Variants in TRPC4AP observed in about 807,000 individuals in gnomAD.
TRPC4AP encodes the protein transient receptor potential cation channel subfamily C member 4 associated protein.
TRPC4AP carries 45 observed loss-of-function variants against 99.0 expected under a neutral mutation model. That is an observed-to-expected ratio of 0.45 (90% confidence interval 0.36 to 0.58). The LOEUF is 0.58. Ranked by LOEUF, TRPC4AP falls within the 20% of genes least tolerant of loss-of-function variation. TRPC4AP has a pLI of 0.00. For missense variants in TRPC4AP, 879 were observed against 985.3 expected (o/e 0.89, Z 1.44); for synonymous variants, 408 against 385.8 (o/e 1.06, Z -0.67).
chr20:35,072,409 T>C (rs2076540557), intron 2 of TRPC4AP, among the ~76,000 whole-genome samples: 1 of 110,212 alleles, frequency 9.1e-6, no homozygotes, highest in Non-Finnish European at 2.1e-5. Context: ...GTTTTTATGG[T>C]TTTAGGTCTA....
chr20:35,034,981 A>G (rs1282669046), intron 8 of TRPC4AP, 142 bp downstream of exon 8: 1 of 834,906 alleles, frequency 1.2e-6, no homozygotes, highest in Non-Finnish European at 1.8e-6. Flanking sequence ...AAGAGTCTTA[A>G]TAGTCATGGT....
intron 1 of TRPC4AP, among the ~76,000 whole-genome samples, chr20:35,086,467 GTGTGTGTGTA>G (rs1188270935): frequency 6.7e-5 from 5 of 74,106 alleles, no homozygotes; most frequent in South Asian, 4.3e-4. Flanking sequence ...GTGTGTGTGT[GTGTGTGTGTA>G]TGTGTGTGTA....
chr20:35,018,322 T>C (rs1334114857), intron 9 of TRPC4AP, among the ~76,000 whole-genome samples: 2 of 152,110 alleles, frequency 1.3e-5, no homozygotes, highest in Non-Finnish European at 2.9e-5. Flanking sequence ...CGGCCGGGCA[T>C]GGTGGCTCAC....
At chr20:35,090,537 CTAA>C (rs1258522263) in intron 1 of TRPC4AP, among the ~76,000 whole-genome samples, 1 of 152,052 alleles carries the variant, frequency 6.6e-6, no homozygotes, top group Non-Finnish European at 1.5e-5. Flanking sequence ...CCACGCCCGG[CTAA>C]TTTTTGTATT....
At chr20:35,040,063 A>G (rs2083411753) in intron 7 of TRPC4AP, among the ~76,000 whole-genome samples, 1 of 152,096 alleles carries the variant, frequency 6.6e-6, no homozygotes, top group Non-Finnish European at 1.5e-5. Flanking sequence ...CTTTCCATAC[A>G]GTTATGGACT....
intron 11 of TRPC4AP, among the ~76,000 whole-genome samples, chr20:35,011,546 C>T (rs899529241): frequency 1.3e-5 from 2 of 152,084 alleles, no homozygotes; most frequent in Non-Finnish European, 2.9e-5. Flanking sequence ...GATCAAAATT[C>T]AAAATTCTAC....
intron 7 of TRPC4AP, among the ~76,000 whole-genome samples, chr20:35,035,630 T>C (rs548523741): frequency 6.6e-6 from 1 of 152,300 alleles, no homozygotes; most frequent in East Asian, 1.9e-4. Context: ...CCAGTCATAT[T>C]ACACGAGAAT....
intron 14 of TRPC4AP, 43 bp downstream of exon 14, chr20:35,007,507 G>A (rs562233919): frequency 1.3e-6 from 2 of 1,590,300 alleles, no homozygotes; most frequent in East Asian, 2.2e-5. Flanking sequence ...CGCGTGGGCT[G>A]GGGGGAGACG....
At chr20:35,011,954 G>A (rs2082647772) in intron 11 of TRPC4AP, among the ~76,000 whole-genome samples, 1 of 152,192 alleles carries the variant, frequency 6.6e-6, no homozygotes, top group Admixed American at 6.5e-5. Context: ...TGGAATCCTT[G>A]GATGAACAAC....
chr20:35,024,594 C>T (rs2082974509), intron 8 of TRPC4AP, among the ~76,000 whole-genome samples: 2 of 151,974 alleles, frequency 1.3e-5, no homozygotes, highest in African/African-American at 4.8e-5. Context: ...AAGACCAAGA[C>T]GGGAAGATCA....
At chr20:35,035,064 A>C (rs2083287863) in intron 8 of TRPC4AP, 59 bp downstream of exon 8, 6 of 1,525,168 alleles carry the variant, frequency 3.9e-6, no homozygotes, top group Non-Finnish European at 5.3e-6. Context: ...AAGAGCAAGA[A>C]TGGTCCCAGG....
intron 6 of TRPC4AP, among the ~76,000 whole-genome samples, chr20:35,049,388 G>A (rs2083642604): frequency 6.6e-6 from 1 of 151,892 alleles, no homozygotes; most frequent in Non-Finnish European, 1.5e-5. Context: ...GAAGACTAAT[G>A]AGAAAAAATA....
intron 10 of TRPC4AP, among the ~76,000 whole-genome samples, chr20:35,014,314 ATTTTTTT>A (rs66518839): frequency 8.8e-6 from 1 of 113,190 alleles, no homozygotes; most frequent in African/African-American, 3.6e-5. Context: ...CTCAGGCAGA[ATTTTTTT>A]TTTTTTTTTT....
At chr20:35,092,491 C>T (rs2085101737) in intron 1 of TRPC4AP, 123 bp downstream of exon 1, 2 of 1,192,618 alleles carry the variant, frequency 1.7e-6, no homozygotes, top group Admixed American at 3.9e-5. Context: ...CACAGGGAGG[C>T]CTTCCGGCCA....
intron 3 of TRPC4AP, among the ~76,000 whole-genome samples, chr20:35,060,160 C>T (rs1379972180): frequency 6.6e-6 from 1 of 152,172 alleles, no homozygotes; most frequent in Non-Finnish European, 1.5e-5. Context: ...TTTCCCAACT[C>T]ATTCTTTGAG....
rs149879474 is a variant in TRPC4AP, at chr20:35,011,388, C to T, written c.1410-1100G>A. Among the ~76,000 whole-genome samples the T allele has an allele frequency of 3.7e-3, 568 of 152,326 alleles. 4 individuals are homozygous for T. Among genetic ancestry groups the T allele is most frequent in the Non-Finnish European group, 6.0e-3 (410 of 68,028 alleles). ...CAGTTGGCCATAATCACTGGCAACA[C>T]GGCAGGCACAGCACAGAGTACTGGT... On this transcript the variant is annotated intron_variant, in intron 11 of 18. Coordinates refer to ENST00000252015, the MANE Select transcript of TRPC4AP (RefSeq NM_015638.3).
chr20:35,044,453 G>T (rs6088689), intron 7 of TRPC4AP, 52 bp downstream of exon 7: 20 of 1,400,780 alleles, frequency 1.4e-5, no homozygotes, highest in Non-Finnish European at 1.8e-5. Flanking sequence ...AGATGATTTA[G>T]TAAGGGCCTC....
intron 5 of TRPC4AP, among the ~76,000 whole-genome samples, chr20:35,051,615 TAAAA>T (rs56666362): frequency 1.2e-3 from 133 of 115,412 alleles, no homozygotes; most frequent in South Asian, 3.6e-3. Flanking sequence ...ACTGACACAT[TAAAA>T]AAAAAAAAAA....
At position 35,016,153 on chromosome 20, in the gene TRPC4AP, G is replaced by C; in HGVS notation, c.1219-14C>G. On this transcript the variant is annotated splice_polypyrimidine_tract_variant and intron_variant, in intron 9 of 18. Coordinates refer to ENST00000252015, the MANE Select transcript of TRPC4AP (RefSeq NM_015638.3). Reference sequence around the variant, plus strand: ...CATTCTGTGAACCTGAATGGGATAGGAAGGAAAAAGTATTAAGACAAATGT... The same window carrying C: ...CATTCTGTGAACCTGAATGGGATAGCAAGGAAAAAGTATTAAGACAAATGT... 1.2e-6 allele frequency: 2 copies of C among 1,614,094 alleles called. No individual in the cohort carries two copies. The highest frequency in any genetic ancestry group is 1.7e-6 in the Non-Finnish European group (2 of 1,179,980).
Sources: allele counts gnomAD v4.1 joint callset (sites outside exome capture counted in the v4.1 genomes callset), GRCh38; gene constraint gnomAD v4.1.1; transcripts MANE v1.5; gene names NCBI Gene and HGNC (gene_info 2026-07-23, HGNC 2026-07-21).